The following DNAI1 variants were observed in gnomAD, a reference collection of about 807,000 sequenced individuals.
The protein encoded by DNAI1 is dynein axonemal intermediate chain 1.
A neutral mutation model predicts 92.0 loss-of-function variants in DNAI1; 67 were observed. The ratio of observed to expected loss-of-function variants is 0.73; its 90% CI spans 0.60 to 0.89. The LOEUF is 0.89. DNAI1 is among the 40% of genes least tolerant of loss of function. The pLI is 0.00. For missense variants in DNAI1, 839 were observed against 866.6 expected, an observed-to-expected ratio of 0.97 and a Z score of 0.40; for synonymous variants, 323 against 319.6, an observed-to-expected ratio of 1.01 and a Z score of -0.11.
At chr9:34,482,365 A>C (rs946178646) in intron 1 of DNAI1, among the ~76,000 whole-genome samples, 2 of 149,528 alleles carry the variant, frequency 1.3e-5, no homozygotes, top group African/African-American at 2.5e-5. Context: ...ACAATCCCTG[A>C]GCTAGATATA....
intron 1 of DNAI1, chr9:34,478,787 T>G (rs1161229820): frequency 6.6e-6 from 1 of 152,252 alleles, no homozygotes; most frequent in Non-Finnish European, 1.5e-5. Flanking sequence ...GGACCTTCTT[T>G]GGTCAATAGC....
At chr9:34,517,160 C>A in intron 18 of DNAI1, 125 bp from the exon 19 acceptor site, 1 of 1,009,496 alleles carries the variant, frequency 9.9e-7, no homozygotes, top group East Asian at 2.6e-5. Context: ...CCCTCCACCT[C>A]CAGCTCCAGT....
At position 34,512,144 on chromosome 9, in the gene DNAI1, T is replaced by C; in HGVS notation, c.1347T>C (p.Leu449=). The part of the protein sequence containing the change: ...KWQKDDMDQN[L]NFFSVSSDGR... Reference sequence around the variant, plus strand: ...AGAAGGATGACATGGACCAAAACCTTAACTTCTTCTCTGTGTCATCTGACG... The same window carrying C: ...AGAAGGATGACATGGACCAAAACCTCAACTTCTTCTCTGTGTCATCTGACG... Residue 449 remains leucine, a synonymous_variant, in exon 14 of 20, where the codon CTT becomes CTC. Transcript: ENST00000242317. The C allele has an allele frequency of 6.2e-7, 1 of 1,614,156 alleles. No homozygotes were observed. The highest frequency in any genetic ancestry group is 8.5e-7 in the Non-Finnish European group (1 of 1,180,014).
In DNAI1 at chr9:34,516,132, G is replaced by A. The variant is rs115382160; in HGVS notation, c.1819-1153G>A. ...AGCCATGTGGAGATAGGGCAGGGGA[G>A]CAGCCCATGGTGAGGGAGCAGCTGG... On this transcript the variant is annotated intron_variant, in intron 18 of 19. Coordinates refer to ENST00000242317, the MANE Select transcript of DNAI1 (RefSeq NM_012144.4). Among the ~76,000 whole-genome samples, 747 of 152,320 alleles carry A rather than the reference G, an allele frequency of 4.9e-3. 9 individuals carry two copies. The highest frequency in any genetic ancestry group is 0.017 in the African/African-American group (701 of 41,566).
At chr9:34,494,413 G>A (rs1203690458) in intron 9 of DNAI1, among the ~76,000 whole-genome samples, 1 of 152,150 alleles carries the variant, frequency 6.6e-6, no homozygotes, top group Non-Finnish European at 1.5e-5. Context: ...GGAACTCTGA[G>A]GTGAAAGATG....
At position 34,485,260 on chromosome 9, in the gene DNAI1, T is replaced by C. The variant is rs368163057; in HGVS notation, c.180+20T>C. ...GATGCGGTGAGTGAGTAGCCTCTTG[T>C]TCTTGCTCCTTGTACCTCTTCCAGT... On this transcript the variant is annotated intron_variant, in intron 3 of 19. Coordinates refer to ENST00000242317, the MANE Select transcript of DNAI1 (RefSeq NM_012144.4). The C allele has an allele frequency of 2.5e-6, 4 of 1,613,850 alleles. No homozygotes were observed. In the African/African-American group the frequency reaches 5.3e-5, roughly 22 times the overall value.
intron 1 of DNAI1, among the ~76,000 whole-genome samples, chr9:34,479,613 T>A (rs1824302316): frequency 6.6e-6 from 1 of 152,204 alleles, no homozygotes; most frequent in Non-Finnish European, 1.5e-5. Flanking sequence ...TATTTAAGGC[T>A]TGTGGTTTGG....
intron 8 of DNAI1, among the ~76,000 whole-genome samples, chr9:34,492,493 G>GAGATATATATATAT (rs1271867592): frequency 0.02 from 1,383 of 68,200 alleles, 143 homozygotes; most frequent in Non-Finnish European, 0.033. Flanking sequence ...GGGATATGAA[G>GAGATATATATATAT]ATATATATAT....
chr9:34,459,091 C>T (rs767356011), intron 1 of DNAI1, 38 bp downstream of exon 1: 2 of 1,594,480 alleles, frequency 1.3e-6, no homozygotes, highest in Non-Finnish European at 1.7e-6. Flanking sequence ...GACCTCTGAC[C>T]TTCGTCGTCG....
chr9:34,510,711 G>A (rs927641918), intron 13 of DNAI1, among the ~76,000 whole-genome samples: 4 of 152,036 alleles, frequency 2.6e-5, no homozygotes, highest in Non-Finnish European at 5.9e-5. Flanking sequence ...CGGTGCTGGC[G>A]TCTGCTCATT....
intron 1 of DNAI1, among the ~76,000 whole-genome samples, chr9:34,463,691 C>T (rs1008305736): frequency 6.6e-6 from 1 of 152,148 alleles, no homozygotes; most frequent in Non-Finnish European, 1.5e-5. Context: ...AAATCAAAGT[C>T]TGGAATTTTA....
At chr9:34,479,378 G>A (rs562282186) in intron 1 of DNAI1, among the ~76,000 whole-genome samples, 53 of 152,212 alleles carry the variant, frequency 3.5e-4, no homozygotes, top group Non-Finnish European at 5.9e-4. Context: ...CAAAGTGGCA[G>A]CCTGACATTC....
At chr9:34,515,898 A>G (rs918481882) in intron 18 of DNAI1, among the ~76,000 whole-genome samples, 2 of 152,236 alleles carry the variant, frequency 1.3e-5, no homozygotes, top group African/African-American at 2.4e-5. Flanking sequence ...GATGCTTTAA[A>G]TGAGTGAATT....
intron 9 of DNAI1, 67 bp from the exon 10 acceptor site, chr9:34,497,048 T>C: frequency 5.8e-6 from 7 of 1,206,180 alleles, no homozygotes; most frequent in Non-Finnish European, 8.7e-6. Context: ...AAGGGTGACA[T>C]GGCTCAGGAC....
intron 1 of DNAI1, 60 bp from the exon 2 acceptor site, chr9:34,483,388 T>G: frequency 1.3e-6 from 2 of 1,540,560 alleles, no homozygotes; most frequent in Non-Finnish European, 1.8e-6. Flanking sequence ...AAATACTGTT[T>G]ATGATATTTC....
intron 1 of DNAI1, among the ~76,000 whole-genome samples, chr9:34,483,246 A>C (rs1320541757): frequency 1.3e-5 from 2 of 152,210 alleles, no homozygotes. Context: ...GGGGGGCTGA[A>C]GGGCTCCTCA....
At chr9:34,486,638 T>C (rs1321924306) in intron 4 of DNAI1, among the ~76,000 whole-genome samples, 1 of 152,192 alleles carries the variant, frequency 6.6e-6, no homozygotes, top group Non-Finnish European at 1.5e-5. Flanking sequence ...ATTTAATTCA[T>C]ATACTATACA....
chr9:34,485,509 A>G lies in DNAI1; in HGVS notation c.253A>G (p.Ser85Gly). The change falls in exon 4 of 20, where the codon AGC (serine) becomes GGC (glycine). Residue 85 changes from serine (S) to glycine (G), a missense_variant. Transcript: ENST00000242317. ...CGCACCCCAGAACATTGTCAGGTAC[A>G]GCTTCAAAGTAAGTCATCCCCTCCT... The part of the protein sequence containing the change: ...PHAPQNIVRY[S>G]FKEGTYKPIG... 6.2e-7 allele frequency: 1 copy of G among 1,614,172 alleles called. No individual in the cohort carries two copies. The highest frequency in any genetic ancestry group is 8.5e-7 in the Non-Finnish European group (1 of 1,180,016).
At chr9:34,520,204 C>T (rs556626770) in intron 19 of DNAI1, among the ~76,000 whole-genome samples, 10 of 152,252 alleles carry the variant, frequency 6.6e-5, no homozygotes, top group African/African-American at 1.9e-4. Flanking sequence ...GAGGTCCGGG[C>T]CCCTGAGGCT....
Sources: gnomAD v4.1 joint callset for allele counts (sites outside exome capture counted in the v4.1 genomes callset) on GRCh38, gnomAD v4.1.1 for gene constraint, MANE v1.5 for transcripts, NCBI Gene and HGNC (gene_info 2026-07-23, HGNC 2026-07-21) for gene names.